Variants in NRG3 observed in about 807,000 individuals in gnomAD.
NRG3 encodes pro-neuregulin-3, membrane-bound isoform.
In NRG3, 31 loss-of-function variants were observed where a neutral mutation model predicts 66.9. The ratio of observed to expected loss-of-function variants is 0.46; its 90% CI spans 0.35 to 0.63. The LOEUF is 0.63. Ranked by LOEUF, NRG3 falls within the 20% of genes least tolerant of loss-of-function variation. The pLI, the probability that NRG3 is intolerant of heterozygous loss-of-function variation, is 0.00. For missense variants in NRG3, 910 were observed against 878.9 expected, an observed-to-expected ratio of 1.04 and a Z score of -0.45; for synonymous variants, 393 against 359.4, an observed-to-expected ratio of 1.09 and a Z score of -1.06.
At chr10:82,351,047 A>G (rs1193175820) in intron 1 of NRG3, among the ~76,000 whole-genome samples, 3 of 152,038 alleles carry the variant, frequency 2.0e-5, no homozygotes, top group South Asian at 2.1e-4. Flanking sequence ...GCCCGCCACC[A>G]TGCCTGGCTA....
At position 82,136,534 on chromosome 10, in the gene NRG3, G is replaced by A. The variant is rs1349650329; in HGVS notation, c.824-222205G>A. On this transcript the variant is annotated intron_variant, in intron 1 of 8. Coordinates refer to ENST00000372141, the MANE Select transcript of NRG3 (RefSeq NM_001010848.4). ...CCATTTTACTGCAGTTGAGCTGGTA[G>A]CAAAGCCACAATACAATGTTTTTTC... 2.6e-5 allele frequency among the ~76,000 whole-genome samples: 4 copies of A among 152,290 alleles called. No homozygotes were observed. The East Asian group carries it at 7.7e-4, about 29-fold the overall frequency.
At chr10:82,232,523 G>C (rs1038501760) in intron 1 of NRG3, 7 of 497,406 alleles carry the variant, frequency 1.4e-5, no homozygotes, top group African/African-American at 1.2e-4. Flanking sequence ...TCAAATTCCA[G>C]ATCTCATTTT....
chr10:82,571,521 C>T (rs529360086), intron 2 of NRG3, among the ~76,000 whole-genome samples: 1 of 151,642 alleles, frequency 6.6e-6, no homozygotes, highest in South Asian at 2.1e-4. Flanking sequence ...CATATCTTTC[C>T]TTATCAGCCA....
intron 1 of NRG3, among the ~76,000 whole-genome samples, chr10:82,336,774 T>G (rs2082412118): frequency 6.6e-6 from 1 of 152,118 alleles, no homozygotes; most frequent in Admixed American, 6.5e-5. Flanking sequence ...AAATATTGAA[T>G]GACCCACAAG....
intron 3 of NRG3, among the ~76,000 whole-genome samples, chr10:82,809,185 C>T (rs761068431): frequency 6.6e-5 from 10 of 151,950 alleles, no homozygotes; most frequent in Middle Eastern, 3.2e-3. Flanking sequence ...TTAGTACTCG[C>T]CATTTGCCAA....
At chr10:82,718,142 G>T (rs915349) in intron 2 of NRG3, among the ~76,000 whole-genome samples, 14 of 152,128 alleles carry the variant, frequency 9.2e-5, no homozygotes, top group Admixed American at 8.5e-4. Context: ...CTCCTATCTG[G>T]TACACCCACT....
chr10:81,928,086 C>A (rs1846985069), intron 1 of NRG3, among the ~76,000 whole-genome samples: 1 of 152,142 alleles, frequency 6.6e-6, no homozygotes, highest in South Asian at 2.1e-4. Context: ...AACTGCAAAT[C>A]TTAAAGAAAT....
chr10:82,490,314 AAGTC>A (rs755629089), intron 2 of NRG3, among the ~76,000 whole-genome samples: 1 of 152,140 alleles, frequency 6.6e-6, no homozygotes, highest in Non-Finnish European at 1.5e-5. Flanking sequence ...GCTCATACAG[AAGTC>A]ATCCGGATCC....
At chr10:82,443,413 C>T (rs536886515) in intron 2 of NRG3, among the ~76,000 whole-genome samples, 13 of 152,254 alleles carry the variant, frequency 8.5e-5, no homozygotes, top group East Asian at 5.8e-4. Flanking sequence ...TCCTTTTGGG[C>T]GCTAGACATG....
chr10:82,305,186 G>C (rs1201343182), intron 1 of NRG3, among the ~76,000 whole-genome samples: 1 of 151,506 alleles, frequency 6.6e-6, no homozygotes, highest in Non-Finnish European at 1.5e-5. Flanking sequence ...TAGTAGAGAT[G>C]GGGTTTCACC....
chr10:82,790,994 A>AT (rs1200860871), intron 3 of NRG3, among the ~76,000 whole-genome samples: 3 of 151,768 alleles, frequency 2.0e-5, no homozygotes, highest in Non-Finnish European at 4.4e-5. Context: ...TTATTTAATT[A>AT]TTTAGATATG....
At chr10:82,476,200 A>C (rs1841766841) in intron 2 of NRG3, among the ~76,000 whole-genome samples, 1 of 152,194 alleles carries the variant, frequency 6.6e-6, no homozygotes, top group Admixed American at 6.5e-5. Flanking sequence ...AAACAACAAA[A>C]CAAAAAACAA....
At chr10:82,758,104 T>G (rs2135022893) in intron 3 of NRG3, among the ~76,000 whole-genome samples, 1 of 152,144 alleles carries the variant, frequency 6.6e-6, no homozygotes, top group Admixed American at 6.6e-5. Context: ...TTTACTACAG[T>G]TGAGGTAGAA....
intron 3 of NRG3, among the ~76,000 whole-genome samples, chr10:82,769,388 A>T (rs1272614053): frequency 6.6e-6 from 1 of 152,068 alleles, no homozygotes; most frequent in Non-Finnish European, 1.5e-5. Flanking sequence ...ATTTACCTTA[A>T]ATTGAAAATT....
chr10:82,746,012 C>T (rs1271840744), intron 3 of NRG3, among the ~76,000 whole-genome samples: 1 of 152,104 alleles, frequency 6.6e-6, no homozygotes, highest in Admixed American at 6.5e-5. Flanking sequence ...CCTCAGCCTC[C>T]CAAGTAGCTG....
chr10:82,919,075 G>C (rs945296082), intron 4 of NRG3, among the ~76,000 whole-genome samples: 3 of 148,030 alleles, frequency 2.0e-5, no homozygotes, highest in African/African-American at 7.7e-5. Context: ...GTGTGTGTGT[G>C]TGTGTGTGTG....
chr10:82,267,778 A>G (rs2078379043), intron 1 of NRG3, among the ~76,000 whole-genome samples: 1 of 152,172 alleles, frequency 6.6e-6, no homozygotes, highest in East Asian at 1.9e-4. Context: ...CATGGTGAGG[A>G]GTGTGTAGGA....
chr10:82,902,469 T>A (rs2131891075), intron 4 of NRG3, among the ~76,000 whole-genome samples: 1 of 152,250 alleles, frequency 6.6e-6, no homozygotes, highest in East Asian at 1.9e-4. Context: ...GGTCTTTTTT[T>A]ATGTCAGGGC....
chr10:82,616,941 A>T (rs1391099338), intron 2 of NRG3, among the ~76,000 whole-genome samples: 1 of 152,162 alleles, frequency 6.6e-6, no homozygotes, highest in Non-Finnish European at 1.5e-5. Context: ...TTGTATATGG[A>T]AAAAAGGAAA....
Sources: gnomAD v4.1 joint callset for allele counts (sites outside exome capture counted in the v4.1 genomes callset) on GRCh38, gnomAD v4.1.1 for gene constraint, MANE v1.5 for transcripts, NCBI Gene and HGNC (gene_info 2026-07-23, HGNC 2026-07-21) for gene names.